PLD2: variants seen among roughly 807,000 people sequenced by gnomAD.
PLD2 encodes the protein choline phosphatase 2.
PLD2 carries 101 observed loss-of-function variants against 119.8 expected under a neutral mutation model. The observed-to-expected ratio is 0.84, with a 90% CI of 0.72 to 0.99. PLD2 has a LOEUF of 0.99. Among genes scored for constraint, PLD2 ranks in the 50% least tolerant of loss-of-function variants. The pLI, the probability that PLD2 is intolerant of heterozygous loss-of-function variation, is 0.00. For synonymous variants in PLD2, 494 were observed against 482.8 expected, an observed-to-expected ratio of 1.02 and a Z score of -0.30; for missense variants, 1,164 against 1,226.8, an observed-to-expected ratio of 0.95 and a Z score of 0.76.
intron 11 of PLD2, 60 bp from the exon 12 acceptor site, chr17:4,814,573 G>A (rs1005376207): frequency 2.7e-5 from 43 of 1,612,936 alleles, no homozygotes; most frequent in Non-Finnish European, 3.3e-5. Flanking sequence ...GGAGGAGAAG[G>A]GGGGTGCAGC....
intron 21 of PLD2, 28 bp downstream of exon 21, chr17:4,818,851 C>G (rs1567534232): frequency 3.1e-6 from 5 of 1,607,766 alleles, no homozygotes; most frequent in Non-Finnish European, 4.3e-6. Flanking sequence ...GGGGCTCAAG[C>G]CCTGGGCCCC....
rs758922973 is a variant in PLD2, at chr17:4,809,920, G to A, written c.751G>A (p.Glu251Lys). Residue 251 changes from glutamate (E) to lysine (K), a missense_variant, in exon 9 of 25, where the codon GAG becomes AAG. By Grantham distance (56) the Glu-to-Lys change is moderately conservative. Coordinates refer to ENST00000263088, the MANE Select transcript of PLD2 (RefSeq NM_002663.5). ...KDSFLLYMCL[E>K]TGAISFVQLF... ...CTCCTTCCTGCTGTACATGTGCCTC[G>A]AGACAGGTGCCATCTCATTTGTTCA... 25 of 1,614,164 alleles carry A rather than the reference G, an allele frequency of 1.5e-5. No homozygotes were observed. The highest frequency in any genetic ancestry group is 3.3e-5 in the South Asian group (3 of 91,076).
rs780574072 is a variant in PLD2 at position 4,809,757 on chromosome 17, C to A, written c.681C>A (p.Asp227Glu). The stretch of plus-strand genomic sequence containing the variant: ...CTGGCCTCACCTGCTGTGGCCGAGA[C>A]CAAGTTTGTTATCGCTGGTCCAAGA... ...RVPGLTCCGR[D>E]QVCYRWSKRW... The change falls in exon 8 of 25, where the codon GAC becomes GAA. Residue 227 changes from aspartate (D) to glutamate (E), a missense_variant. Physicochemically the swap from Asp to Glu is conservative, Grantham distance 45 (BLOSUM62 2). Coordinates refer to ENST00000263088, the MANE Select transcript of PLD2 (RefSeq NM_002663.5). The A allele has an allele frequency of 6.2e-7, 1 of 1,614,100 alleles. No individual in the cohort carries two copies. The highest frequency in any genetic ancestry group is 8.5e-7 in the Non-Finnish European group (1 of 1,179,966).
intron 23 of PLD2, chr17:4,821,582 A>G (rs1229731343): frequency 1.3e-5 from 5 of 391,260 alleles, no homozygotes; most frequent in East Asian, 4.8e-5. Context: ...TTTTGTAGAG[A>G]TGGGGTTTTG....
chr17:4,812,101 G>A (rs1011077988), intron 10 of PLD2, among the ~76,000 whole-genome samples: 7 of 150,502 alleles, frequency 4.7e-5, no homozygotes, highest in Non-Finnish European at 1.0e-4. Flanking sequence ...AGGCATGAGC[G>A]ACAGTGCCTG....
At chr17:4,816,391 A>C (rs1219551131) in intron 14 of PLD2, among the ~76,000 whole-genome samples, 1 of 151,724 alleles carries the variant, frequency 6.6e-6, no homozygotes, top group Admixed American at 6.6e-5. Flanking sequence ...TCAAAAAAAA[A>C]AAAAAAAGTG....
intron 9 of PLD2, 130 bp downstream of exon 9, chr17:4,810,159 T>TGAACCAG (rs1906313702): frequency 2.1e-6 from 2 of 935,468 alleles, no homozygotes; most frequent in Non-Finnish European, 3.2e-6. Flanking sequence ...GACATAGTTT[T>TGAACCAG]GAACCAGGAA....
chr17:4,819,641 G>A lies in PLD2; in HGVS notation c.2462+59G>A, dbSNP rs1023803713. ...GGAGATGGGGGCGTCTGCCTTTTGA[G>A]CAGGACAAGAGGTAGCACCGCATAG... On this transcript the variant is annotated intron_variant, in intron 23 of 24. Coordinates refer to ENST00000263088, the MANE Select transcript of PLD2 (RefSeq NM_002663.5). This position sits in a 1 kb window ranked among gnomAD's most constrained non-coding sequence, Gnocchi z 4.2. 7.2e-6 allele frequency: 11 copies of A among 1,519,692 alleles called. No individual in the cohort carries two copies. The African/African-American group carries it at 1.4e-4, about 19-fold the overall frequency. 94.1% of individuals were successfully genotyped at this position (1,519,692 alleles called of 1,614,324 possible).
At position 4,809,280 on chromosome 17, in the gene PLD2, C is replaced by T. The variant is rs773940222; in HGVS notation, c.490-18C>T. The T allele has an allele frequency of 3.1e-6, 5 of 1,613,602 alleles. No individual in the cohort carries two copies. The South Asian group carries it at 3.3e-5, about 11-fold the overall frequency. Reference sequence around the variant, plus strand: ...CTCGGTCCCATCTGTCTCTCTCTCTCTCTCATCTCCACTTCAGAAATACCT... The same window carrying T: ...CTCGGTCCCATCTGTCTCTCTCTCTTTCTCATCTCCACTTCAGAAATACCT... On this transcript the variant is annotated intron_variant, in intron 5 of 24. Coordinates refer to ENST00000263088, the MANE Select transcript of PLD2 (RefSeq NM_002663.5).
chr17:4,809,884 G>C lies in PLD2; in HGVS notation c.715G>C (p.Val239Leu), dbSNP rs986580116. Reference sequence around the variant, plus strand: ...GGAGCCCTTCTGCTCTAGGTGGCTGGTGGTGAAGGACTCCTTCCTGCTGTA... The same window carrying C: ...GGAGCCCTTCTGCTCTAGGTGGCTGCTGGTGAAGGACTCCTTCCTGCTGTA... ...VCYRWSKRWL[V>L]VKDSFLLYMC... Residue 239 changes from valine (V) to leucine (L), a missense_variant, in exon 9 of 25, where the codon GTG (valine) becomes CTG (leucine). Coordinates refer to ENST00000263088, the MANE Select transcript of PLD2 (RefSeq NM_002663.5). 2 of 1,614,122 alleles carry C rather than the reference G, an allele frequency of 1.2e-6. No individual in the cohort carries two copies. Among genetic ancestry groups the C allele is most frequent in the African/African-American group, 2.7e-5 (2 of 74,936 alleles).
At chr17:4,817,978 C>T in intron 17 of PLD2, 24 bp from the exon 18 acceptor site, 1 of 1,502,118 alleles carries the variant, frequency 6.7e-7, no homozygotes. Context: ...AGAAATGAAG[C>T]ACATCGCATT....
chr17:4,817,086 T>C, intron 16 of PLD2, 31 bp downstream of exon 16: 1 of 1,606,806 alleles, frequency 6.2e-7, no homozygotes, highest in East Asian at 2.2e-5. Context: ...GGGCTGGAGG[T>C]AGGGAGGGAG....
rs542492436 is a variant in PLD2, at chr17:4,819,134, G to A, written c.2224G>A (p.Gly742Arg). ...TTCCATCTGCGGGCTTCGTACACAC[G>A]GAGAGCTGGGCGGGCACCCCGTCTC... is the stretch of plus-strand genomic sequence containing the variant. ...YISICGLRTH[G>R]ELGGHPVSEL... Residue 742 changes from glycine (G) to arginine (R), a missense_variant, in exon 22 of 25, where the codon GGA (glycine) becomes AGA (arginine). Coordinates refer to ENST00000263088, the MANE Select transcript of PLD2 (RefSeq NM_002663.5). The surrounding 1 kb of genome is among the most constrained non-coding windows in gnomAD (Gnocchi z 4.2). 32 of 1,614,172 alleles carry A rather than the reference G, an allele frequency of 2.0e-5. No homozygotes were observed. Among genetic ancestry groups the A allele is most frequent in the African/African-American group, 6.7e-5 (5 of 75,050 alleles).
At position 4,807,562 on chromosome 17, in the gene PLD2, A is replaced by T; in HGVS notation, c.-1-210A>T. ...GACGGGGCGGGGGGCGGGGGGCGGG[A>T]CTGGGATTGTGGATGAAGGACTAAG... On this transcript the variant is annotated intron_variant, in intron 1 of 24. Transcript: ENST00000263088. This position sits in a 1 kb window ranked among gnomAD's most constrained non-coding sequence, Gnocchi z 5.4. 1 of 335,146 alleles carries T rather than the reference A, an allele frequency of 3.0e-6. No homozygotes were observed. The highest frequency in any genetic ancestry group is 4.5e-5 in the Admixed American group (1 of 22,150). 20.8% of individuals were successfully genotyped at this position (335,146 alleles called of 1,614,324 possible).
intron 21 of PLD2, 53 bp downstream of exon 21, chr17:4,818,876 T>A: frequency 6.3e-7 from 1 of 1,581,072 alleles, no homozygotes; most frequent in East Asian, 2.2e-5. Flanking sequence ...AGAGGGAGAT[T>A]GGGGCGCTGC....
Position 4,815,747 on chromosome 17 carries a change from C to T in PLD2, c.1285-17C>T. 1.2e-6 allele frequency: 2 copies of T among 1,613,408 alleles called. No homozygotes were observed. Among genetic ancestry groups the T allele is most frequent in the Non-Finnish European group, 1.7e-6 (2 of 1,179,600 alleles). The stretch of plus-strand genomic sequence containing the variant: ...TCACCTAAACCCACCCTCATGAACC[C>T]TCCATGCCTGCTCCAGGTGATGCGT... On this transcript the variant is annotated splice_polypyrimidine_tract_variant and intron_variant, in intron 13 of 24. Transcript: ENST00000263088.
chr17:4,814,522 A>G (rs774345193), intron 11 of PLD2, 21 bp downstream of exon 11: 11 of 1,612,848 alleles, frequency 6.8e-6, no homozygotes, highest in Admixed American at 1.7e-5. Context: ...AAAGGCCCCA[A>G]CAACATGGGG....
At chr17:4,809,595 T>C in intron 7 of PLD2, 44 bp downstream of exon 7, 1 of 1,608,992 alleles carries the variant, frequency 6.2e-7, no homozygotes, top group Non-Finnish European at 8.5e-7. Context: ...TAGACATCAC[T>C]CTTAATTTCT....
chr17:4,812,389 G>GGTT (rs1567527747), intron 10 of PLD2, among the ~76,000 whole-genome samples: 1 of 145,654 alleles, frequency 6.9e-6, no homozygotes, highest in Non-Finnish European at 1.5e-5. Flanking sequence ...CTGACTCCCC[G>GGTT]GTTCAAGTGA....
Sources: gnomAD v4.1 joint callset for allele counts (sites outside exome capture counted in the v4.1 genomes callset) on GRCh38, gnomAD v4.1.1 for gene constraint, Gnocchi (gnomAD v3.1) non-coding constraint, MANE v1.5 for transcripts, NCBI Gene and HGNC (gene_info 2026-07-23, HGNC 2026-07-21) for gene names.